IL2RA: variants seen among roughly 807,000 people sequenced by gnomAD.
The protein encoded by IL2RA is interleukin-2 receptor subunit alpha.
IL2RA carries 24 observed loss-of-function variants against 37.8 expected under a neutral mutation model. The observed-to-expected ratio is 0.63, with a 90% CI of 0.46 to 0.89. The LOEUF is 0.89. Among genes scored for constraint, IL2RA ranks in the 40% least tolerant of loss-of-function variants. The probability of loss-of-function intolerance (pLI) is 0.00; values close to 1 mark genes in which losing one functional copy is unlikely to be tolerated. For missense variants in IL2RA, 319 were observed against 348.6 expected, an observed-to-expected ratio of 0.92 and a Z score of 0.68; for synonymous variants, 125 against 114.6, an observed-to-expected ratio of 1.09 and a Z score of -0.58.
intron 7 of IL2RA, among the ~76,000 whole-genome samples, chr10:6,016,079 G>A (rs1426691293): frequency 6.6e-6 from 1 of 152,228 alleles, no homozygotes; most frequent in Non-Finnish European, 1.5e-5. Context: ...GAGCTCAGGT[G>A]TTGGAAACTT....
intron 1 of IL2RA, among the ~76,000 whole-genome samples, chr10:6,060,564 G>A (rs143593759): frequency 1.3e-5 from 2 of 152,162 alleles, no homozygotes; most frequent in African/African-American, 4.8e-5. Context: ...AGACCAGCCT[G>A]ACCAATATGG....
At position 6,020,251 on chromosome 10, in the gene IL2RA, G is replaced by A. The variant is rs907694538; in HGVS notation, c.584-310C>T. Among the ~76,000 whole-genome samples, 2 of 152,186 alleles carry A rather than the reference G, an allele frequency of 1.3e-5. No homozygotes were observed. Among genetic ancestry groups the A allele is most frequent in the African/African-American group, 4.8e-5 (2 of 41,446 alleles). On this transcript the variant is annotated intron_variant, in intron 4 of 7. Coordinates refer to ENST00000379959, the MANE Select transcript of IL2RA (RefSeq NM_000417.3). This position sits in a 1 kb window ranked among gnomAD's most constrained non-coding sequence, Gnocchi z 5.6. ...GTTTCCATCTGTGACTTGGAAACAG[G>A]TCATAATAATACGAATGCCATTGAA... is the stretch of plus-strand genomic sequence containing the variant.
In IL2RA at chr10:6,018,270, C is replaced by A; in HGVS notation, c.728-151G>T. On this transcript the variant is annotated intron_variant, in intron 6 of 7. Coordinates refer to ENST00000379959, the MANE Select transcript of IL2RA (RefSeq NM_000417.3). This position sits in a 1 kb window ranked among gnomAD's most constrained non-coding sequence, Gnocchi z 5.1. The stretch of plus-strand genomic sequence containing the variant: ...CCTGTCTCAGGAAGTAGGTCCCTCC[C>A]CATGGGATTTCCTAGGAGTCTTGAG... 1 of 690,778 alleles carries A rather than the reference C, an allele frequency of 1.4e-6. No homozygotes were observed. Among genetic ancestry groups the A allele is most frequent in the East Asian group, 2.7e-5 (1 of 36,524 alleles). The allele number at this position is 690,778 out of a possible 1,614,324, so 42.8% of individuals were successfully genotyped here. A position where few individuals can be genotyped will look rare whatever the true frequency, so the allele number is the denominator to read the frequency against.
Position 6,031,442 on chromosome 10 carries a change from GTATATATATATACATATATATATA to G in IL2RA, c.65-5441_65-5418del, listed in dbSNP as rs1391776710. ...AGAATTTAGCAAGTTAGCAATTTCA[GTATATATATATACATATATATATA>G]TATATATATATATATATATATATAT... On this transcript the variant is annotated intron_variant, in intron 1 of 7. Transcript: ENST00000379959. 1.9e-4 allele frequency among the ~76,000 whole-genome samples: 10 copies of G among 54,038 alleles called. 1 individual carries two copies. The South Asian group carries it at 2.3e-3, about 12-fold the overall frequency. 35.5% of individuals were successfully genotyped at this position (54,038 alleles called of 152,430 possible).
intron 1 of IL2RA, among the ~76,000 whole-genome samples, chr10:6,040,060 C>T (rs1839747717): frequency 6.6e-6 from 1 of 152,188 alleles, no homozygotes; most frequent in Admixed American, 6.5e-5. Context: ...GAATGTTTTG[C>T]TGAAGCATGA....
intron 1 of IL2RA, among the ~76,000 whole-genome samples, chr10:6,041,563 G>T (rs914321094): frequency 6.6e-6 from 1 of 152,072 alleles, no homozygotes; most frequent in African/African-American, 2.4e-5. Flanking sequence ...GTTAATAAAA[G>T]TTCAAAGTAA....
rs1364547658 is a variant in IL2RA at position 6,021,999 on chromosome 10, CG to C, written c.368-307del. On this transcript the variant is annotated intron_variant, in intron 3 of 7. Coordinates refer to ENST00000379959, the MANE Select transcript of IL2RA (RefSeq NM_000417.3). This position sits in a 1 kb window ranked among gnomAD's most constrained non-coding sequence, Gnocchi z 4.9. Reference sequence around the variant, plus strand: ...AATGAGCGATTCATTCTGGTTGGTGCGGCCCCGAGACAGGAACGCCACAACT... The same window carrying C: ...AATGAGCGATTCATTCTGGTTGGTGCGCCCCGAGACAGGAACGCCACAACT... Among the ~76,000 whole-genome samples the C allele has an allele frequency of 6.6e-6, 1 of 152,014 alleles. No homozygotes were observed. The highest frequency in any genetic ancestry group is 6.6e-5 in the Admixed American group (1 of 15,248).
chr10:6,037,720 TG>T (rs1386249673), intron 1 of IL2RA, among the ~76,000 whole-genome samples: 2 of 152,124 alleles, frequency 1.3e-5, no homozygotes, highest in East Asian at 3.9e-4. Flanking sequence ...TGCCCCCCTG[TG>T]GCCCCTTCTC....
intron 5 of IL2RA, 97 bp downstream of exon 5, chr10:6,019,773 A>T: frequency 8.7e-7 from 1 of 1,155,892 alleles, no homozygotes; most frequent in South Asian, 1.2e-5. Context: ...CTTCTCCCCT[A>T]CAGGTCACCT....
At chr10:6,055,684 T>C (rs1840031827) in intron 1 of IL2RA, among the ~76,000 whole-genome samples, 1 of 32,754 alleles carries the variant, frequency 3.1e-5, no homozygotes, top group African/African-American at 5.4e-5. Context: ...AAAGCCGCCA[T>C]TGTCATCCTG....
intron 3 of IL2RA, among the ~76,000 whole-genome samples, chr10:6,023,742 C>T (rs1209698968): frequency 6.6e-6 from 1 of 152,240 alleles, no homozygotes; most frequent in Non-Finnish European, 1.5e-5. Context: ...GGCCAGGACA[C>T]ACGCATCTGG....
rs1306338051 is a variant in IL2RA, at chr10:6,012,170, C to A, written c.*702G>T. ...ACCTCATTCATCCTTCTGTTCCTGA[C>A]ATTGCCTCATGGGTTTGGCTGCCCC... On this transcript the variant is annotated 3_prime_UTR_variant, in exon 8 of 8. Coordinates refer to ENST00000379959, the MANE Select transcript of IL2RA (RefSeq NM_000417.3). This position sits in a 1 kb window ranked among gnomAD's most constrained non-coding sequence, Gnocchi z 4.8. 1 of 152,730 alleles carries A rather than the reference C, an allele frequency of 6.5e-6. No individual in the cohort carries two copies. Among genetic ancestry groups the A allele is most frequent in the Non-Finnish European group, 1.5e-5 (1 of 68,364 alleles). 9.5% of individuals were successfully genotyped at this position (152,730 alleles called of 1,614,324 possible).
Position 6,012,950 on chromosome 10 carries a change from T to C in IL2RA, c.795-54A>G, listed in dbSNP as rs914624268. On this transcript the variant is annotated intron_variant, in intron 7 of 7. Transcript: ENST00000379959. The surrounding 1 kb of genome is among the most constrained non-coding windows in gnomAD (Gnocchi z 4.8). ...TATGTGTAACACGGCACCAAAAAAA[T>C]GTGGTCCTCACTCTAAACCAGTGCA... 2.4e-6 allele frequency: 3 copies of C among 1,246,462 alleles called. No individual in the cohort carries two copies. The highest frequency in any genetic ancestry group is 2.7e-5 in the South Asian group (2 of 73,840). 77.2% of individuals were successfully genotyped at this position (1,246,462 alleles called of 1,614,324 possible).
chr10:6,059,516 A>C (rs1840093187), intron 1 of IL2RA, among the ~76,000 whole-genome samples: 1 of 152,234 alleles, frequency 6.6e-6, no homozygotes, highest in Non-Finnish European at 1.5e-5. Flanking sequence ...AGGTGAAGTT[A>C]AGAAGTTATC....
intron 1 of IL2RA, among the ~76,000 whole-genome samples, chr10:6,038,113 G>A (rs1016480260): frequency 2.0e-5 from 3 of 152,166 alleles, no homozygotes; most frequent in African/African-American, 7.2e-5. Context: ...AGAACACTGG[G>A]CCTGTGGTCA....
chr10:6,037,603 TG>T (rs1839710198), intron 1 of IL2RA, among the ~76,000 whole-genome samples: 1 of 152,210 alleles, frequency 6.6e-6, no homozygotes, highest in Non-Finnish European at 1.5e-5. Flanking sequence ...CTTGGGCCAC[TG>T]GGTAAAGAGG....
Position 6,057,078 on chromosome 10 carries a change from C to T in IL2RA, c.64+5010G>A, listed in dbSNP as rs1840056964. On this transcript the variant is annotated intron_variant, in intron 1 of 7. Transcript: ENST00000379959. This position sits in a 1 kb window ranked among gnomAD's most constrained non-coding sequence, Gnocchi z 4.8. Reference sequence around the variant, plus strand: ...GCCCCATGCTCAGTAGATCTTACCACATATGACTTGTGTTACCATGACTAT... The same window carrying T: ...GCCCCATGCTCAGTAGATCTTACCATATATGACTTGTGTTACCATGACTAT... Among the ~76,000 whole-genome samples, 1 of 152,206 alleles carries T rather than the reference C, an allele frequency of 6.6e-6. No individual in the cohort carries two copies. The highest frequency in any genetic ancestry group is 2.1e-4 in the South Asian group (1 of 4,838).
At position 6,058,472 on chromosome 10, in the gene IL2RA, C is replaced by T. The variant is rs1269529954; in HGVS notation, c.64+3616G>A. 6.6e-6 allele frequency among the ~76,000 whole-genome samples: 1 copy of T among 152,180 alleles called. No homozygotes were observed. The highest frequency in any genetic ancestry group is 1.5e-5 in the Non-Finnish European group (1 of 68,024). ...ATGTTTAGGAAAGCCCTTACAGCCT[C>T]AAGACATGTCTTGAAGATGAATGAA... On this transcript the variant is annotated intron_variant, in intron 1 of 7. Coordinates refer to ENST00000379959, the MANE Select transcript of IL2RA (RefSeq NM_000417.3). This position sits in a 1 kb window ranked among gnomAD's most constrained non-coding sequence, Gnocchi z 4.2.
At chr10:6,043,379 G>T (rs900957476) in intron 1 of IL2RA, among the ~76,000 whole-genome samples, 1 of 152,140 alleles carries the variant, frequency 6.6e-6, no homozygotes, top group Non-Finnish European at 1.5e-5. Context: ...ATGAGATTGG[G>T]TTGGACCGAG....
Sources: gnomAD v4.1 joint callset for allele counts (sites outside exome capture counted in the v4.1 genomes callset) on GRCh38, gnomAD v4.1.1 for gene constraint, Gnocchi (gnomAD v3.1) non-coding constraint, MANE v1.5 for transcripts, NCBI Gene and HGNC (gene_info 2026-07-23, HGNC 2026-07-21) for gene names.